TEKT5: variants seen among roughly 807,000 people sequenced by gnomAD.
TEKT5 encodes the protein tektin 5, also known as tektin-5.
TEKT5 carries 52 observed loss-of-function variants against 48.7 expected under a neutral mutation model. The observed-to-expected ratio is 1.07, with a 90% CI of 0.86 to 1.35. TEKT5 has a LOEUF of 1.35. Ranked by LOEUF, TEKT5 falls within the 40% of genes most tolerant of loss-of-function variation. The pLI is 0.00. For synonymous variants in TEKT5, 318 were observed against 267.6 expected (o/e 1.19, Z -1.84); for missense variants, 831 against 641.6 (o/e 1.30, Z -3.19).
chr16:10,665,416 G>A (rs571405702), intron 5 of TEKT5, among the ~76,000 whole-genome samples: 32 of 152,296 alleles, frequency 2.1e-4, no homozygotes, highest in African/African-American at 7.0e-4. Flanking sequence ...AAGTACTAGC[G>A]TTCCTGAGCA....
chr16:10,666,261 T>C (rs968895309), intron 5 of TEKT5, among the ~76,000 whole-genome samples: 4 of 152,244 alleles, frequency 2.6e-5, no homozygotes, highest in Admixed American at 2.0e-4. Flanking sequence ...CAGGCAACAG[T>C]TCATGAGTTC....
At chr16:10,678,478 T>C (rs1335481528) in intron 4 of TEKT5, among the ~76,000 whole-genome samples, 5 of 152,192 alleles carry the variant, frequency 3.3e-5, no homozygotes, top group African/African-American at 9.7e-5. Context: ...GTGATTGTTT[T>C]GCTTGGCTTT....
chr16:10,650,523 T>C (rs12932937), intron 5 of TEKT5, among the ~76,000 whole-genome samples: 68,860 of 151,846 alleles, frequency 0.45, 17,715 homozygotes, highest in African/African-American at 0.71. Flanking sequence ...CCAAAAAACA[T>C]GCCCCTTAAC....
intron 6 of TEKT5, among the ~76,000 whole-genome samples, chr16:10,631,069 C>T (rs989384252): frequency 4.8e-5 from 7 of 145,268 alleles, no homozygotes; most frequent in Admixed American, 2.1e-4. Flanking sequence ...TATCTATGTC[C>T]ATATATATAT....
At chr16:10,687,087 G>C (rs1358162592) in intron 3 of TEKT5, among the ~76,000 whole-genome samples, 1 of 152,160 alleles carries the variant, frequency 6.6e-6, no homozygotes, top group Non-Finnish European at 1.5e-5. Flanking sequence ...GCTGGGGGTG[G>C]GGTATTGGGG....
At chr16:10,654,504 T>A (rs12926406) in intron 5 of TEKT5, among the ~76,000 whole-genome samples, 24,159 of 152,134 alleles carry the variant, frequency 0.16, 4,242 homozygotes, top group African/African-American at 0.44. Context: ...TGATGAACTC[T>A]GCGGTCATGT....
intron 4 of TEKT5, among the ~76,000 whole-genome samples, chr16:10,677,380 C>G (rs559238923): frequency 6.8e-6 from 1 of 147,088 alleles, no homozygotes; most frequent in African/African-American, 2.7e-5. Flanking sequence ...GAGCCCGAGG[C>G]GGGCGGATCA....
At chr16:10,693,880 G>C (rs1490442813) in intron 1 of TEKT5, among the ~76,000 whole-genome samples, 1 of 152,194 alleles carries the variant, frequency 6.6e-6, no homozygotes, top group African/African-American at 2.4e-5. Context: ...TGAGGCACGA[G>C]AGTCGCTTGA....
chr16:10,663,000 C>T (rs1898400057), intron 5 of TEKT5, among the ~76,000 whole-genome samples: 1 of 152,190 alleles, frequency 6.6e-6, no homozygotes, highest in Non-Finnish European at 1.5e-5. Flanking sequence ...CACTCTCACC[C>T]CCTGCAGAGG....
At chr16:10,657,650 C>A (rs112088022) in intron 5 of TEKT5, among the ~76,000 whole-genome samples, 3 of 149,770 alleles carry the variant, frequency 2.0e-5, no homozygotes, top group Non-Finnish European at 4.4e-5. Flanking sequence ...AGTGCAGTGG[C>A]GCAATCTCGG....
At chr16:10,667,159 T>G (rs765930128) in intron 5 of TEKT5, among the ~76,000 whole-genome samples, 6 of 151,668 alleles carry the variant, frequency 4.0e-5, no homozygotes, top group African/African-American at 7.3e-5. Context: ...AATTTTTATG[T>G]TTTTTGTAGA....
chr16:10,631,280 G>A (rs769819048), intron 6 of TEKT5, among the ~76,000 whole-genome samples: 4 of 138,884 alleles, frequency 2.9e-5, no homozygotes, highest in African/African-American at 5.3e-5. Flanking sequence ...AAAAGAGAGA[G>A]AGAGAGAGAG....
At chr16:10,631,374 CAG>C (rs1897839694) in intron 6 of TEKT5, among the ~76,000 whole-genome samples, 2 of 141,920 alleles carry the variant, frequency 1.4e-5, no homozygotes, top group African/African-American at 5.7e-5. Flanking sequence ...AGGGTTGAAA[CAG>C]GGGAATGGCA....
At chr16:10,687,410 G>C (rs1258861866) in intron 3 of TEKT5, among the ~76,000 whole-genome samples, 2 of 152,164 alleles carry the variant, frequency 1.3e-5, no homozygotes, top group East Asian at 3.9e-4. Flanking sequence ...AAAGACACTG[G>C]CCTGTCCCAA....
intron 6 of TEKT5, among the ~76,000 whole-genome samples, chr16:10,633,758 C>G (rs1003606478): frequency 6.6e-6 from 1 of 152,104 alleles, no homozygotes; most frequent in African/African-American, 2.4e-5. Context: ...GTTGTCCAGG[C>G]TGGTCTCAAA....
Position 10,636,983 on chromosome 16 carries a change from ATTT to A in TEKT5, c.1087-1068_1087-1066del, listed in dbSNP as rs71404408. 3.3e-3 allele frequency among the ~76,000 whole-genome samples: 406 copies of A among 123,746 alleles called. 3 individuals are homozygous for A. The Middle Eastern group carries it at 0.061, about 19-fold the overall frequency. 81.2% of individuals were successfully genotyped at this position (123,746 alleles called of 152,430 possible). ...AGGCACCTGCTGCCTCACCTGGCTG[ATTT>A]TTTTTTTTTTTTTTTGACGGAGTCT... On this transcript the variant is annotated intron_variant, in intron 5 of 6. Transcript: ENST00000283025.
At chr16:10,690,257 G>C (rs1178588137) in intron 1 of TEKT5, 1 of 536,670 alleles carries the variant, frequency 1.9e-6, no homozygotes, top group South Asian at 2.9e-5. Flanking sequence ...CCCATGTAGA[G>C]AAAACAGGAT....
intron 3 of TEKT5, among the ~76,000 whole-genome samples, chr16:10,683,721 G>A (rs142438744): frequency 6.6e-6 from 1 of 152,112 alleles, no homozygotes; most frequent in Admixed American, 6.5e-5. Context: ...CTCCCTAGTA[G>A]CTGGGATTAC....
chr16:10,689,812 T>A (rs1202081422), intron 2 of TEKT5, 130 bp downstream of exon 2: 1 of 850,902 alleles, frequency 1.2e-6, no homozygotes, highest in Non-Finnish European at 1.8e-6. Flanking sequence ...CACCCATGCT[T>A]CCTGAGCCCT....
Sources: allele counts gnomAD v4.1 joint callset (sites outside exome capture counted in the v4.1 genomes callset), GRCh38; gene constraint gnomAD v4.1.1; transcripts MANE v1.5; gene names NCBI Gene and HGNC (gene_info 2026-07-23, HGNC 2026-07-21).